SHISA6: variants seen among roughly 807,000 people sequenced by gnomAD.
SHISA6 encodes the protein protein shisa-6.
SHISA6 carries 22 observed loss-of-function variants against 47.9 expected under a neutral mutation model. The ratio of observed to expected loss-of-function variants is 0.46; its 90% CI spans 0.33 to 0.66. The LOEUF is 0.66. Among genes scored for constraint, SHISA6 ranks in the 30% least tolerant of loss-of-function variants. The pLI, the probability that SHISA6 is intolerant of heterozygous loss-of-function variation, is 0.02. For missense variants in SHISA6, 680 were observed against 764.6 expected (o/e 0.89, Z 1.30); for synonymous variants, 388 against 337.8 (o/e 1.15, Z -1.63).
At chr17:11,459,228 A>G (rs1915639515) in intron 3 of SHISA6, among the ~76,000 whole-genome samples, 1 of 151,868 alleles carries the variant, frequency 6.6e-6, no homozygotes, top group Non-Finnish European at 1.5e-5. Flanking sequence ...CAAAAAAAAA[A>G]AAAAAAAAGA....
chr17:11,512,730 C>T (rs2071551172), intron 3 of SHISA6, among the ~76,000 whole-genome samples: 1 of 151,986 alleles, frequency 6.6e-6, no homozygotes, highest in Non-Finnish European at 1.5e-5. Flanking sequence ...TATGTACATC[C>T]AAACAATTAA....
At chr17:11,362,722 A>G (rs1451582900) in intron 2 of SHISA6, among the ~76,000 whole-genome samples, 1 of 152,214 alleles carries the variant, frequency 6.6e-6, no homozygotes, top group African/African-American at 2.4e-5. Flanking sequence ...TAAGTGTTCA[A>G]TTAAATGAGA....
At chr17:11,469,701 G>T (rs1243672498) in intron 3 of SHISA6, among the ~76,000 whole-genome samples, 7 of 152,060 alleles carry the variant, frequency 4.6e-5, no homozygotes, top group African/African-American at 1.7e-4. Flanking sequence ...CCTTCTCCCT[G>T]CCTCTCCCTG....
intron 3 of SHISA6, among the ~76,000 whole-genome samples, chr17:11,407,193 C>T (rs1913991230): frequency 6.6e-6 from 1 of 151,896 alleles, no homozygotes; most frequent in African/African-American, 2.4e-5. Context: ...AAGATAACCA[C>T]TATTAGTATC....
Position 11,329,591 on chromosome 17 carries a change from C to T in SHISA6, c.800-49823C>T, listed in dbSNP as rs1023860707. Among the ~76,000 whole-genome samples, 15 of 152,140 alleles carry T rather than the reference C, an allele frequency of 9.9e-5. No individual in the cohort carries two copies. The South Asian group carries it at 2.9e-3, about 30-fold the overall frequency. ...CAATGCATCTTGGTGGGCAGAGTCT[C>T]CACGCGAGTAAAACATTTTAGGTAA... On this transcript the variant is annotated intron_variant, in intron 2 of 5. Coordinates refer to ENST00000441885, the MANE Select transcript of SHISA6 (RefSeq NM_207386.4).
At chr17:11,420,500 A>T (rs1171286385) in intron 3 of SHISA6, among the ~76,000 whole-genome samples, 3 of 152,308 alleles carry the variant, frequency 2.0e-5, no homozygotes, top group African/African-American at 7.2e-5. Context: ...CTACAAGAGA[A>T]ACTAAGTTAA....
intron 2 of SHISA6, among the ~76,000 whole-genome samples, chr17:11,286,429 G>A (rs1909302897): frequency 6.6e-6 from 1 of 151,996 alleles, no homozygotes; most frequent in African/African-American, 2.4e-5. Flanking sequence ...ACTTCCTCTG[G>A]GAAGCCCTCT....
chr17:11,305,978 G>A (rs1365498547), intron 2 of SHISA6, among the ~76,000 whole-genome samples: 1 of 152,090 alleles, frequency 6.6e-6, no homozygotes, highest in African/African-American at 2.4e-5. Flanking sequence ...AGATGCCTGT[G>A]CGTACCCTTC....
intron 1 of SHISA6, among the ~76,000 whole-genome samples, chr17:11,258,924 A>T (rs79293776): frequency 0.019 from 2,912 of 152,274 alleles, 35 homozygotes; most frequent in South Asian, 0.042. Flanking sequence ...GACAAATGTG[A>T]CTAAGTGGAT....
chr17:11,304,304 T>C (rs150068071), intron 2 of SHISA6, among the ~76,000 whole-genome samples: 114 of 152,264 alleles, frequency 7.5e-4, no homozygotes, highest in African/African-American at 2.7e-3. Context: ...GATGTGAGCT[T>C]CACGAGCAGA....
chr17:11,439,548 T>G (rs1915044216), intron 3 of SHISA6, among the ~76,000 whole-genome samples: 1 of 152,136 alleles, frequency 6.6e-6, no homozygotes, highest in Admixed American at 6.5e-5. Context: ...AATCATGAAT[T>G]TACAACTTAC....
intron 3 of SHISA6, among the ~76,000 whole-genome samples, chr17:11,410,539 T>C (rs1054833531): frequency 1.3e-5 from 2 of 152,160 alleles, no homozygotes; most frequent in African/African-American, 4.8e-5. Flanking sequence ...AAATCTAACT[T>C]CTTCCTTTGG....
intron 3 of SHISA6, among the ~76,000 whole-genome samples, chr17:11,394,038 C>T (rs1597491196): frequency 6.6e-6 from 1 of 152,180 alleles, no homozygotes; most frequent in Admixed American, 6.6e-5. Flanking sequence ...TTTTCTTTAT[C>T]ATACTCTTCA....
intron 3 of SHISA6, among the ~76,000 whole-genome samples, chr17:11,524,906 A>G (rs1362445256): frequency 6.6e-6 from 1 of 152,212 alleles, no homozygotes; most frequent in Non-Finnish European, 1.5e-5. Context: ...GTTAGAGATT[A>G]TCTCGCTGTA....
At chr17:11,539,823 T>C (rs1365883059) in intron 3 of SHISA6, among the ~76,000 whole-genome samples, 1 of 152,198 alleles carries the variant, frequency 6.6e-6, no homozygotes, top group Non-Finnish European at 1.5e-5. Context: ...GGAAGGCTGA[T>C]ATCCCTGACT....
intron 2 of SHISA6, among the ~76,000 whole-genome samples, chr17:11,276,159 G>A (rs1369024679): frequency 6.6e-6 from 1 of 151,942 alleles, no homozygotes; most frequent in Admixed American, 6.6e-5. Context: ...TGTATTTTTA[G>A]TAGAGACAGG....
chr17:11,410,633 C>CTAGCCTGTCTGT (rs138635871), intron 3 of SHISA6, among the ~76,000 whole-genome samples: 23 of 151,970 alleles, frequency 1.5e-4, no homozygotes, highest in Non-Finnish European at 1.5e-4. Flanking sequence ...ATATTGGACG[C>CTAGCCTGTCTGT]CCCCTTCATC....
intron 3 of SHISA6, among the ~76,000 whole-genome samples, chr17:11,523,633 A>G (rs894202949): frequency 8.5e-5 from 13 of 152,208 alleles, no homozygotes; most frequent in African/African-American, 2.9e-4. Context: ...ATATTTATTT[A>G]AAATGTATCC....
At chr17:11,305,680 A>G (rs1394934308) in intron 2 of SHISA6, among the ~76,000 whole-genome samples, 2 of 152,140 alleles carry the variant, frequency 1.3e-5, no homozygotes, top group Non-Finnish European at 2.9e-5. Context: ...AACCCGGAAC[A>G]TTTTCTTTGT....
Sources: allele counts gnomAD v4.1 joint callset (sites outside exome capture counted in the v4.1 genomes callset), GRCh38; gene constraint gnomAD v4.1.1; transcripts MANE v1.5; gene names NCBI Gene and HGNC (gene_info 2026-07-23, HGNC 2026-07-21).